PPP3R1: variants seen among roughly 807,000 people sequenced by gnomAD.
PPP3R1 encodes protein phosphatase 3 regulatory subunit B, alpha, also known as calcineurin subunit B type 1.
PPP3R1 carries 5 observed loss-of-function variants against 22.6 expected under a neutral mutation model. The ratio of observed to expected loss-of-function variants is 0.22; its 90% CI spans 0.12 to 0.46. PPP3R1 has a LOEUF of 0.46. Ranked by LOEUF, PPP3R1 falls within the 20% of genes least tolerant of loss-of-function variation. PPP3R1 has a pLI of 0.99. For synonymous variants in PPP3R1, 56 were observed against 65.2 expected (o/e 0.86, Z 0.68); for missense variants, 61 against 203.2 (o/e 0.30, Z 4.25).
chr2:68,214,144 G>C (rs138208849), intron 2 of PPP3R1, among the ~76,000 whole-genome samples: 1 of 152,164 alleles, frequency 6.6e-6, no homozygotes, highest in Non-Finnish European at 1.5e-5. Flanking sequence ...TCAACTCAAG[G>C]TAGATTAAAG....
chr2:68,193,555 C>A (rs1245231177), intron 2 of PPP3R1, among the ~76,000 whole-genome samples: 2 of 152,114 alleles, frequency 1.3e-5, no homozygotes, highest in Non-Finnish European at 2.9e-5. Context: ...CCAAGATCTA[C>A]GAAAGTCAGC....
intron 1 of PPP3R1, among the ~76,000 whole-genome samples, chr2:68,225,249 G>C (rs1158002322): frequency 6.6e-6 from 1 of 152,144 alleles, no homozygotes; most frequent in African/African-American, 2.4e-5. Context: ...TATCCAGGTG[G>C]CCCTGACCTG....
At chr2:68,196,856 C>G (rs1449901459) in intron 2 of PPP3R1, among the ~76,000 whole-genome samples, 1 of 152,012 alleles carries the variant, frequency 6.6e-6, no homozygotes, top group Non-Finnish European at 1.5e-5. Flanking sequence ...TCCGGGGTAG[C>G]TGAGATTACA....
At chr2:68,218,942 C>G (rs1241797679) in intron 1 of PPP3R1, among the ~76,000 whole-genome samples, 4 of 152,084 alleles carry the variant, frequency 2.6e-5, no homozygotes, top group African/African-American at 9.7e-5. Flanking sequence ...ACCTAAGAAC[C>G]AACCAGTCCA....
chr2:68,201,520 T>C (rs1220827323), intron 2 of PPP3R1, among the ~76,000 whole-genome samples: 1 of 152,234 alleles, frequency 6.6e-6, no homozygotes, highest in Non-Finnish European at 1.5e-5. Context: ...AACTCTGCCA[T>C]TTCGTTCTAA....
chr2:68,232,142 T>G (rs60990348), intron 1 of PPP3R1, among the ~76,000 whole-genome samples: 1 of 34,286 alleles, frequency 2.9e-5, no homozygotes, highest in South Asian at 1.5e-3. Context: ...CACACACATA[T>G]ATATGTATAT....
chr2:68,242,154 C>T (rs1011367734), intron 1 of PPP3R1, among the ~76,000 whole-genome samples: 3 of 152,122 alleles, frequency 2.0e-5, no homozygotes, highest in Admixed American at 6.5e-5. Flanking sequence ...ATGCACCAGG[C>T]GCGGTGGCTC....
chr2:68,195,211 T>A (rs1000437531), intron 2 of PPP3R1, among the ~76,000 whole-genome samples: 1 of 152,146 alleles, frequency 6.6e-6, no homozygotes, highest in African/African-American at 2.4e-5. Flanking sequence ...TGGCTCCAAT[T>A]TGTGACAACT....
At chr2:68,239,403 G>C (rs1670076405) in intron 1 of PPP3R1, among the ~76,000 whole-genome samples, 1 of 152,134 alleles carries the variant, frequency 6.6e-6, no homozygotes. Context: ...AGTGAAGAGA[G>C]TAAAAAAGTA....
At chr2:68,244,278 T>C (rs1670191979) in intron 1 of PPP3R1, among the ~76,000 whole-genome samples, 1 of 152,210 alleles carries the variant, frequency 6.6e-6, no homozygotes, top group African/African-American at 2.4e-5. Flanking sequence ...ACTGACCAAC[T>C]GCTGCCTTCT....
At chr2:68,217,039 C>CGCGCAG in intron 2 of PPP3R1, 53 bp downstream of exon 2, 3 of 1,084,904 alleles carry the variant, frequency 2.8e-6, no homozygotes, top group South Asian at 1.6e-5. Flanking sequence ...CACACACACA[C>CGCGCAG]AGAGAGAGAT....
intron 2 of PPP3R1, among the ~76,000 whole-genome samples, chr2:68,190,523 G>A (rs1674643279): frequency 1.3e-5 from 2 of 152,074 alleles, no homozygotes; most frequent in African/African-American, 2.4e-5. Flanking sequence ...CTGAGATCGC[G>A]CCATTGAACT....
At chr2:68,215,547 A>C (rs1669563595) in intron 2 of PPP3R1, among the ~76,000 whole-genome samples, 1 of 152,200 alleles carries the variant, frequency 6.6e-6, no homozygotes, top group African/African-American at 2.4e-5. Context: ...TCTACCTTCC[A>C]AATCTCACAA....
chr2:68,246,390 C>T (rs1670237685), intron 1 of PPP3R1, among the ~76,000 whole-genome samples: 1 of 151,838 alleles, frequency 6.6e-6, no homozygotes, highest in Admixed American at 6.6e-5. Flanking sequence ...TTTCTTTCAA[C>T]CCCAAGATAA....
At chr2:68,242,379 T>C (rs1670153505) in intron 1 of PPP3R1, among the ~76,000 whole-genome samples, 1 of 151,266 alleles carries the variant, frequency 6.6e-6, no homozygotes, top group Non-Finnish European at 1.5e-5. Flanking sequence ...TGAGCCAAGA[T>C]TGCGCCACTG....
chr2:68,229,767 A>C (rs992019762), intron 1 of PPP3R1, among the ~76,000 whole-genome samples: 2 of 151,968 alleles, frequency 1.3e-5, no homozygotes, highest in African/African-American at 4.8e-5. Context: ...TACTTTCAAC[A>C]TGCCTATATT....
chr2:68,217,393 A>AAT (rs1669601239), intron 1 of PPP3R1, among the ~76,000 whole-genome samples: 2 of 152,232 alleles, frequency 1.3e-5, no homozygotes, highest in African/African-American at 4.8e-5. Context: ...ATATATTTCA[A>AAT]ATATTTTCTA....
intron 1 of PPP3R1, among the ~76,000 whole-genome samples, chr2:68,247,362 C>A (rs982102559): frequency 3.9e-5 from 6 of 152,212 alleles, no homozygotes; most frequent in African/African-American, 1.4e-4. Flanking sequence ...CTAACAAGGT[C>A]CCAAATGATA....
intron 1 of PPP3R1, among the ~76,000 whole-genome samples, chr2:68,217,570 A>C (rs1022841840): frequency 7.2e-5 from 11 of 152,142 alleles, no homozygotes; most frequent in African/African-American, 2.4e-4. Context: ...GTTAAAAACA[A>C]AAAAACAGAA....
Sources: allele counts gnomAD v4.1 joint callset (sites outside exome capture counted in the v4.1 genomes callset), GRCh38; gene constraint gnomAD v4.1.1; transcripts MANE v1.5; gene names NCBI Gene and HGNC (gene_info 2026-07-23, HGNC 2026-07-21).